PHF24: variants seen among roughly 807,000 people sequenced by gnomAD.
PHF24 encodes Galpha inhibitory interacting protein.
PHF24 carries 25 observed loss-of-function variants against 42.6 expected under a neutral mutation model. That is an observed-to-expected ratio of 0.59 (90% CI 0.43 to 0.82). The LOEUF is 0.82. Ranked by LOEUF, PHF24 falls within the 40% of genes least tolerant of loss-of-function variation. The pLI is 0.00. For missense variants in PHF24, 470 were observed against 538.1 expected (o/e 0.87, Z 1.25); for synonymous variants, 185 against 204.8 (o/e 0.90, Z 0.83).
chr9:34,727,197 A>T, the PHF24 span, among the ~76,000 whole-genome samples: 2 of 152,244 alleles, frequency 1.3e-5, no homozygotes, highest in African/African-American at 4.8e-5. Context: ...TTGTTGGGCA[A>T]GGCCTCAGAC....
At chr9:34,705,683 A>T in the PHF24 span, among the ~76,000 whole-genome samples, 3 of 152,290 alleles carry the variant, frequency 2.0e-5, no homozygotes, top group African/African-American at 7.2e-5. Flanking sequence ...TTAATTTTCC[A>T]TCCCTACCCT....
chr9:34,821,601 A>G, the PHF24 span, among the ~76,000 whole-genome samples: 5 of 152,094 alleles, frequency 3.3e-5, no homozygotes, highest in Non-Finnish European at 7.4e-5. Context: ...CTTTCCCTGG[A>G]TCCTCCATCA....
chr9:34,885,407 C>T, the PHF24 span, among the ~76,000 whole-genome samples: 1 of 152,198 alleles, frequency 6.6e-6, no homozygotes, highest in Admixed American at 6.5e-5. Context: ...GATGGATAAT[C>T]CTGGATCTCC....
the PHF24 span, chr9:34,726,978 G>T: frequency 6.5e-7 from 1 of 1,546,618 alleles, no homozygotes; most frequent in Non-Finnish European, 8.7e-7. Context: ...TCCAGAGGAA[G>T]CCAGCCCTGG....
chr9:34,895,264 C>T, the PHF24 span, among the ~76,000 whole-genome samples: 1 of 152,078 alleles, frequency 6.6e-6, no homozygotes, highest in African/African-American at 2.4e-5. Flanking sequence ...TTATTTCTGA[C>T]TCACTTTCAC....
chr9:34,827,145 A>T, the PHF24 span, among the ~76,000 whole-genome samples: 1 of 152,074 alleles, frequency 6.6e-6, no homozygotes, highest in Non-Finnish European at 1.5e-5. Context: ...GACCTGCTCC[A>T]CCCTAAACCA....
At chr9:34,872,669 G>A in the PHF24 span, among the ~76,000 whole-genome samples, 12 of 141,242 alleles carry the variant, frequency 8.5e-5, no homozygotes, top group African/African-American at 2.6e-4. Context: ...ATAAACATAC[G>A]TGTGCATGTG....
chr9:34,786,078 T>C, the PHF24 span, among the ~76,000 whole-genome samples: 1 of 152,188 alleles, frequency 6.6e-6, no homozygotes, highest in Non-Finnish European at 1.5e-5. Context: ...GGGCCTGTTA[T>C]CCAATACATA....
the PHF24 span, among the ~76,000 whole-genome samples, chr9:34,690,902 G>A: frequency 6.6e-6 from 1 of 152,170 alleles, no homozygotes; most frequent in African/African-American, 2.4e-5. Context: ...TGGGATTCAG[G>A]GGCACAGGGA....
the PHF24 span, among the ~76,000 whole-genome samples, chr9:34,712,077 G>A: frequency 6.6e-6 from 1 of 151,870 alleles, no homozygotes; most frequent in Non-Finnish European, 1.5e-5. Flanking sequence ...GCATAGTTTT[G>A]CTGGATATAT....
chr9:34,876,162 A>C, the PHF24 span, among the ~76,000 whole-genome samples: 6 of 152,088 alleles, frequency 3.9e-5, no homozygotes, highest in African/African-American at 1.2e-4. Flanking sequence ...TATTTACCCC[A>C]AAAATTGAAA....
the PHF24 span, among the ~76,000 whole-genome samples, chr9:34,863,868 C>G: frequency 1.1e-4 from 16 of 152,316 alleles, no homozygotes; most frequent in African/African-American, 3.8e-4. Context: ...TTCAAAATAG[C>G]TGTTTTGAGG....
chr9:34,721,981 C>G, the PHF24 span, among the ~76,000 whole-genome samples: 3 of 152,148 alleles, frequency 2.0e-5, no homozygotes, highest in Admixed American at 2.0e-4. Context: ...CTTTACTTTC[C>G]AGTTTCTTAA....
chr9:34,836,967 C>T, the PHF24 span: 20 of 404,816 alleles, frequency 4.9e-5, no homozygotes, highest in African/African-American at 4.2e-4. Flanking sequence ...ATGTCTCCCT[C>T]CCAGCCATTT....
At chr9:34,802,294 G>A in the PHF24 span, among the ~76,000 whole-genome samples, 2 of 152,276 alleles carry the variant, frequency 1.3e-5, no homozygotes, top group South Asian at 4.1e-4. Flanking sequence ...AGGTGGGCAT[G>A]AGACCCAGAC....
At chr9:34,775,551 A>G in the PHF24 span, among the ~76,000 whole-genome samples, 1 of 152,232 alleles carries the variant, frequency 6.6e-6, no homozygotes, top group Non-Finnish European at 1.5e-5. Context: ...TATGTTTTGT[A>G]TATTTTACTA....
the PHF24 span, among the ~76,000 whole-genome samples, chr9:34,798,154 G>C: frequency 6.6e-6 from 1 of 152,086 alleles, no homozygotes; most frequent in Non-Finnish European, 1.5e-5. Flanking sequence ...ATATGTTAAA[G>C]TTCTCAGAAC....
At chr9:34,739,552 C>T in the PHF24 span, among the ~76,000 whole-genome samples, 2 of 152,104 alleles carry the variant, frequency 1.3e-5, no homozygotes, top group Non-Finnish European at 2.9e-5. Flanking sequence ...TGTTACAGCT[C>T]TTAAGGTGGC....
chr9:34,804,901 A>G, the PHF24 span, among the ~76,000 whole-genome samples: 1 of 152,196 alleles, frequency 6.6e-6, no homozygotes, highest in Non-Finnish European at 1.5e-5. Flanking sequence ...GGTAACCAGT[A>G]ATCTACTTTC....
Sources: gnomAD v4.1 joint callset for allele counts (sites outside exome capture counted in the v4.1 genomes callset) on GRCh38, gnomAD v4.1.1 for gene constraint, MANE v1.5 for transcripts, NCBI Gene and HGNC (gene_info 2026-07-23, HGNC 2026-07-21) for gene names.